Variants in NFATC3 observed in about 807,000 individuals in gnomAD.
NFATC3 encodes nuclear factor of activated T-cells, cytoplasmic 3.
NFATC3 carries 46 observed loss-of-function variants against 98.6 expected under a neutral mutation model. That is an observed-to-expected ratio of 0.47 (90% CI 0.37 to 0.60). NFATC3 has a LOEUF of 0.60. NFATC3 is among the 20% of genes least tolerant of loss of function. The pLI, the probability that NFATC3 is intolerant of heterozygous loss-of-function variation, is 0.00. For synonymous variants in NFATC3, 512 were observed against 472.2 expected (o/e 1.08, Z -1.09); for missense variants, 1,256 against 1,295.5 (o/e 0.97, Z 0.47).
chr16:68,138,892 G>T, intron 3 of NFATC3: 2 of 740,634 alleles, frequency 2.7e-6, no homozygotes, highest in Non-Finnish European at 3.7e-6. Flanking sequence ...TTGAATCCTG[G>T]ATTTTACTGT....
chr16:68,085,677 C>G lies in NFATC3; in HGVS notation c.-5C>G. 3 of 1,512,376 alleles carry G rather than the reference C, an allele frequency of 2.0e-6. No homozygotes were observed. The highest frequency in any genetic ancestry group is 2.6e-6 in the Non-Finnish European group (3 of 1,132,496). The allele number at this position is 1,512,376 out of a possible 1,614,324, so 93.7% of individuals were successfully genotyped here. Reference sequence around the variant, plus strand: ...GGAGGAGCTGCAGCACCCTGGGCCACGCCGATGACTACTGCAAACTGTGGC... The same window carrying G: ...GGAGGAGCTGCAGCACCCTGGGCCAGGCCGATGACTACTGCAAACTGTGGC... On this transcript the variant is annotated 5_prime_UTR_variant, in exon 1 of 10. Transcript: ENST00000346183.
intron 5 of NFATC3, among the ~76,000 whole-genome samples, chr16:68,169,097 T>C (rs1427765209): frequency 6.6e-6 from 1 of 152,036 alleles, no homozygotes; most frequent in Non-Finnish European, 1.5e-5. Context: ...TATTAACTTT[T>C]TAATGGGTAA....
chr16:68,186,566 A>G (rs2151104029), intron 8 of NFATC3, among the ~76,000 whole-genome samples: 1 of 152,172 alleles, frequency 6.6e-6, no homozygotes, highest in African/African-American at 2.4e-5. Flanking sequence ...CAAAACAACA[A>G]CAAAAAAAAC....
intron 8 of NFATC3, among the ~76,000 whole-genome samples, chr16:68,186,588 C>T (rs2040212665): frequency 6.6e-6 from 1 of 152,134 alleles, no homozygotes; most frequent in Non-Finnish European, 1.5e-5. Flanking sequence ...TTCAAATTCT[C>T]TTCTATTCTG....
intron 9 of NFATC3, among the ~76,000 whole-genome samples, chr16:68,211,854 G>A (rs1055502463): frequency 6.6e-6 from 1 of 152,218 alleles, no homozygotes; most frequent in African/African-American, 2.4e-5. Flanking sequence ...AAGTTCTTGT[G>A]ATCAGGAGAG....
intron 1 of NFATC3, among the ~76,000 whole-genome samples, chr16:68,087,907 T>C (rs1187123480): frequency 6.6e-6 from 1 of 152,186 alleles, no homozygotes; most frequent in Admixed American, 6.5e-5. Context: ...TTGATGGACA[T>C]TTGGGCTTTT....
intron 9 of NFATC3, chr16:68,200,221 A>G (rs924531916): frequency 6.6e-6 from 1 of 151,796 alleles, no homozygotes; most frequent in African/African-American, 2.4e-5. Context: ...GTTCCCTTTC[A>G]TAGTGGAGTA....
At chr16:68,163,030 C>T (rs901846726) in intron 4 of NFATC3, among the ~76,000 whole-genome samples, 13 of 152,030 alleles carry the variant, frequency 8.6e-5, no homozygotes, top group Non-Finnish European at 1.6e-4. Flanking sequence ...CCTGAGTGGA[C>T]ACAGCACATG....
Position 68,085,998 on chromosome 16 carries a change from C to T in NFATC3, c.103+214C>T, listed in dbSNP as rs187464073. 1.1e-5 allele frequency: 5 copies of T among 443,988 alleles called. No individual in the cohort carries two copies. In the East Asian group the frequency reaches 1.9e-4, roughly 17 times the overall value. 27.5% of individuals were successfully genotyped at this position (443,988 alleles called of 1,614,324 possible). The stretch of plus-strand genomic sequence containing the variant: ...AAGTGGTGGCGGGCTTGGCTGGAAG[C>T]AAACTAGTGGGGAACTCGACTCCGG... On this transcript the variant is annotated intron_variant, in intron 1 of 9. Transcript: ENST00000346183.
intron 1 of NFATC3, among the ~76,000 whole-genome samples, chr16:68,093,081 T>A (rs2034815416): frequency 6.6e-6 from 1 of 152,128 alleles, no homozygotes; most frequent in Non-Finnish European, 1.5e-5. Flanking sequence ...TTCATTGTGC[T>A]CCACCATTTT....
intron 9 of NFATC3, 97 bp downstream of exon 9, chr16:68,191,872 A>G (rs959847118): frequency 2.3e-6 from 3 of 1,306,974 alleles, no homozygotes; most frequent in African/African-American, 3.0e-5. Context: ...GCTTATTGGC[A>G]TATGGTTGGG....
intron 1 of NFATC3, among the ~76,000 whole-genome samples, chr16:68,093,245 A>T (rs1159608905): frequency 1.3e-5 from 2 of 152,132 alleles, no homozygotes; most frequent in African/African-American, 4.8e-5. Context: ...GATAATTTTG[A>T]TGTAGTACTG....
intron 1 of NFATC3, among the ~76,000 whole-genome samples, chr16:68,105,079 GT>G (rs2035582301): frequency 1.3e-5 from 2 of 150,468 alleles, no homozygotes; most frequent in Non-Finnish European, 3.0e-5. Context: ...GTCAGTTGAG[GT>G]GACTGTGTGG....
chr16:68,168,306 G>A (rs952986267), intron 5 of NFATC3, among the ~76,000 whole-genome samples: 1 of 151,694 alleles, frequency 6.6e-6, no homozygotes, highest in Non-Finnish European at 1.5e-5. Flanking sequence ...GGGGCTACAG[G>A]GGCATGCCAC....
intron 3 of NFATC3, among the ~76,000 whole-genome samples, chr16:68,148,817 G>A (rs1249264133): frequency 1.3e-5 from 2 of 152,098 alleles, no homozygotes; most frequent in Non-Finnish European, 2.9e-5. Flanking sequence ...GGACCACCTG[G>A]CCAACATGGT....
At chr16:68,119,543 A>G (rs1019941218) in intron 1 of NFATC3, among the ~76,000 whole-genome samples, 3 of 152,074 alleles carry the variant, frequency 2.0e-5, no homozygotes, top group Admixed American at 2.0e-4. Context: ...TTTCTCATAC[A>G]GTACACTTCA....
chr16:68,128,604 A>G (rs1261021705), intron 3 of NFATC3, among the ~76,000 whole-genome samples: 1 of 152,150 alleles, frequency 6.6e-6, no homozygotes, highest in African/African-American at 2.4e-5. Context: ...GAAAAAAACA[A>G]CGTTAAAAAA....
chr16:68,124,891 G>C (rs1454164729), intron 2 of NFATC3, among the ~76,000 whole-genome samples: 2 of 151,780 alleles, frequency 1.3e-5, no homozygotes, highest in South Asian at 2.1e-4. Flanking sequence ...ACCACGCCTG[G>C]CTAATTTTTT....
At chr16:68,165,386 C>CT (rs2039141045) in intron 4 of NFATC3, among the ~76,000 whole-genome samples, 6 of 118,388 alleles carry the variant, frequency 5.1e-5, no homozygotes, top group East Asian at 2.5e-4. Flanking sequence ...TTTTTTTTTT[C>CT]TTTTTCTTTT....
Sources: allele counts gnomAD v4.1 joint callset (sites outside exome capture counted in the v4.1 genomes callset), GRCh38; gene constraint gnomAD v4.1.1; transcripts MANE v1.5; gene names NCBI Gene and HGNC (gene_info 2026-07-23, HGNC 2026-07-21).